Variants in BMPR1B observed in about 807,000 individuals in gnomAD.
BMPR1B encodes bone morphogenetic protein receptor type 1B, also known as bone morphogenetic protein receptor type-1B.
A neutral mutation model predicts 59.1 loss-of-function variants in BMPR1B; 12 were observed. The ratio of observed to expected loss-of-function variants is 0.20; its 90% confidence interval spans 0.13 to 0.33. The LOEUF (loss-of-function observed/expected upper bound fraction) is 0.33, where lower values mean the gene tolerates loss of function less well. BMPR1B is among the 10% of genes least tolerant of loss of function. The pLI, the probability that BMPR1B is intolerant of heterozygous loss-of-function variation, is 1.00. For missense variants in BMPR1B, 550 were observed against 610.9 expected (o/e 0.90, Z 1.05); for synonymous variants, 237 against 207.3 (o/e 1.14, Z -1.23).
intron 1 of BMPR1B, among the ~76,000 whole-genome samples, chr4:94,864,337 A>G (rs1180424786): frequency 6.6e-6 from 1 of 152,186 alleles, no homozygotes; most frequent in Non-Finnish European, 1.5e-5. Flanking sequence ...AGATGTCAGC[A>G]TAAAGATTAG....
At chr4:94,792,483 A>G (rs1442859413) in intron 1 of BMPR1B, among the ~76,000 whole-genome samples, 1 of 152,018 alleles carries the variant, frequency 6.6e-6, no homozygotes, top group Non-Finnish European at 1.5e-5. Context: ...TAACACACAC[A>G]CACATACACA....
chr4:95,078,355 T>A (rs1345280510), intron 3 of BMPR1B, among the ~76,000 whole-genome samples: 1 of 152,242 alleles, frequency 6.6e-6, no homozygotes, highest in Admixed American at 6.5e-5. Flanking sequence ...CAGTGAAACT[T>A]ACTTTCTTTT....
chr4:95,095,029 A>AGT (rs1730261471), intron 3 of BMPR1B, among the ~76,000 whole-genome samples: 1 of 151,750 alleles, frequency 6.6e-6, no homozygotes, highest in South Asian at 2.1e-4. Flanking sequence ...TTAATTATTT[A>AGT]GTGTATATAT....
At chr4:94,834,039 A>C (rs1384711129) in intron 1 of BMPR1B, among the ~76,000 whole-genome samples, 1 of 152,210 alleles carries the variant, frequency 6.6e-6, no homozygotes, top group African/African-American at 2.4e-5. Flanking sequence ...AATATGTTTA[A>C]ATTATCTTAA....
intron 2 of BMPR1B, among the ~76,000 whole-genome samples, chr4:94,879,496 C>T (rs1325402441): frequency 1.3e-5 from 2 of 152,098 alleles, no homozygotes; most frequent in Middle Eastern, 3.4e-3. Context: ...CCAGCTACTC[C>T]AGGAGGCTGA....
chr4:94,851,025 C>A (rs1295711779), intron 1 of BMPR1B, among the ~76,000 whole-genome samples: 1 of 147,794 alleles, frequency 6.8e-6, no homozygotes, highest in East Asian at 2.0e-4. Context: ...TAAACAGATA[C>A]TTCTATTTCC....
rs1735379129 is a variant in BMPR1B, at chr4:95,155,752, T to G, written c.*1079T>G. 1 of 152,110 alleles carries G rather than the reference T, an allele frequency of 6.6e-6. No homozygotes were observed. Among genetic ancestry groups the G allele is most frequent in the African/African-American group, 2.4e-5 (1 of 41,414 alleles). 9.4% of individuals were successfully genotyped at this position (152,110 alleles called of 1,614,324 possible). On this transcript the variant is annotated 3_prime_UTR_variant, in exon 13 of 13. Transcript: ENST00000515059. The stretch of plus-strand genomic sequence containing the variant: ...AAAGAAAAAAGTGTGCATACCTTAT[T>G]TTGTACAGATAAAGATGATGTCTTT...
intron 2 of BMPR1B, among the ~76,000 whole-genome samples, chr4:94,976,100 G>T (rs569939556): frequency 1.9e-4 from 29 of 152,308 alleles, no homozygotes; most frequent in African/African-American, 7.0e-4. Flanking sequence ...AAGTAGCTGG[G>T]GCTAGTCAGA....
At chr4:94,857,013 GA>G (rs1264034170) in intron 1 of BMPR1B, among the ~76,000 whole-genome samples, 21 of 152,290 alleles carry the variant, frequency 1.4e-4, no homozygotes, top group Admixed American at 3.9e-4. Flanking sequence ...CAAATCTGCA[GA>G]GGGGGCAAGA....
At chr4:94,823,687 A>G (rs1266096599) in intron 1 of BMPR1B, among the ~76,000 whole-genome samples, 1 of 152,112 alleles carries the variant, frequency 6.6e-6, no homozygotes, top group Admixed American at 6.6e-5. Flanking sequence ...AATAGAGAAA[A>G]GGTTAGATAT....
chr4:95,075,548 C>T (rs1332267399), intron 3 of BMPR1B, among the ~76,000 whole-genome samples: 6 of 152,068 alleles, frequency 3.9e-5, no homozygotes, highest in Admixed American at 3.9e-4. Context: ...TTTAATTTGC[C>T]TTTATAATTC....
chr4:95,065,618 A>G (rs1173041577), intron 3 of BMPR1B, among the ~76,000 whole-genome samples: 1 of 152,144 alleles, frequency 6.6e-6, no homozygotes, highest in Non-Finnish European at 1.5e-5. Context: ...AATTGTAAGA[A>G]TCTTGTATTC....
chr4:94,860,424 AG>A (rs1001842015), intron 1 of BMPR1B, among the ~76,000 whole-genome samples: 1 of 152,168 alleles, frequency 6.6e-6, no homozygotes, highest in African/African-American at 2.4e-5. Flanking sequence ...CTTGATGATA[AG>A]GATTGCTTCT....
chr4:94,996,026 T>G lies in BMPR1B; in HGVS notation c.-112-14T>G, dbSNP rs1188462709. ...TCCAATTTTTTCTGAAAATGTATTCTTTCTAACTGTCAGGTTCAGACTTCT... is the reference window on the plus strand; with the variant it reads ...TCCAATTTTTTCTGAAAATGTATTCGTTCTAACTGTCAGGTTCAGACTTCT... On this transcript the variant is annotated splice_polypyrimidine_tract_variant and intron_variant, in intron 2 of 12. Transcript: ENST00000515059. The G allele has an allele frequency of 1.3e-5, 2 of 152,352 alleles. No homozygotes were observed. Among genetic ancestry groups the G allele is most frequent in the South Asian group, 4.1e-4 (2 of 4,830 alleles). 9.4% of individuals were successfully genotyped at this position (152,352 alleles called of 1,614,324 possible).
intron 2 of BMPR1B, among the ~76,000 whole-genome samples, chr4:94,936,994 G>A (rs1191750938): frequency 6.6e-6 from 1 of 152,104 alleles, no homozygotes; most frequent in Non-Finnish European, 1.5e-5. Flanking sequence ...GACCCCCAGT[G>A]CCTCCAGGAC....
At chr4:94,866,788 T>TG (rs966784743) in intron 1 of BMPR1B, among the ~76,000 whole-genome samples, 15 of 152,198 alleles carry the variant, frequency 9.9e-5, no homozygotes, top group Admixed American at 5.9e-4. Flanking sequence ...TTCACCATGT[T>TG]GGCCAGGATG....
intron 2 of BMPR1B, among the ~76,000 whole-genome samples, chr4:94,908,280 ATTAG>A (rs750281535): frequency 4.3e-4 from 65 of 151,476 alleles, no homozygotes; most frequent in Admixed American, 6.6e-4. Flanking sequence ...AATTTAACAT[ATTAG>A]TTAGTGTGTA....
chr4:94,760,701 T>C (rs1194501082), intron 1 of BMPR1B, among the ~76,000 whole-genome samples: 1 of 152,232 alleles, frequency 6.6e-6, no homozygotes, highest in Non-Finnish European at 1.5e-5. Flanking sequence ...TGGCGCTTCC[T>C]TGTTGGACTG....
intron 3 of BMPR1B, among the ~76,000 whole-genome samples, chr4:95,050,201 T>C (rs1726387130): frequency 6.6e-6 from 1 of 152,212 alleles, no homozygotes; most frequent in Non-Finnish European, 1.5e-5. Context: ...TTACTCATTT[T>C]ACTATATACC....
Sources: allele counts gnomAD v4.1 joint callset (sites outside exome capture counted in the v4.1 genomes callset), GRCh38; gene constraint gnomAD v4.1.1; transcripts MANE v1.5; gene names NCBI Gene and HGNC (gene_info 2026-07-23, HGNC 2026-07-21).